The following DISP1 variants were observed in gnomAD, a reference collection of about 807,000 sequenced individuals.
The protein encoded by DISP1 is protein dispatched homolog 1.
Under a neutral mutation model 37.3 loss-of-function variants are expected in DISP1, and 30 were observed. The ratio of observed to expected loss-of-function variants is 0.80; its 90% CI spans 0.60 to 1.09. DISP1 has a LOEUF of 1.09. Among genes scored for constraint, DISP1 ranks in the 50% least tolerant of loss-of-function variants. DISP1 has a pLI of 0.00. For synonymous variants in DISP1, 634 were observed against 690.2 expected (o/e 0.92, Z 1.28); for missense variants, 1,598 against 1,879.5 (o/e 0.85, Z 2.77).
At chr1:222,937,194 A>G (rs1160095178) in intron 2 of DISP1, among the ~76,000 whole-genome samples, 1 of 149,930 alleles carries the variant, frequency 6.7e-6, no homozygotes, top group South Asian at 2.1e-4. Context: ...GGTTCACGCC[A>G]TTCTCCTGCC....
At position 223,002,519 on chromosome 1, in the gene DISP1, C is replaced by T. The variant is rs750407881; in HGVS notation, c.1122C>T (p.Asp374=). 18 of 1,614,038 alleles carry T rather than the reference C, an allele frequency of 1.1e-5. No individual in the cohort carries two copies. The highest frequency in any genetic ancestry group is 1.0e-4 in the Admixed American group (6 of 59,996). Residue 374 remains aspartate (D), a synonymous_variant, in exon 9 of 9, where the codon GAC becomes GAT. Coordinates refer to ENST00000675850, the MANE Select transcript of DISP1 (RefSeq NM_001377229.1). ...CCTGTCAGAAAATAGTTGAGCGAGACGTTTCTCATACCTTGAAGCTGCTTC... is the reference window on the plus strand; with the variant it reads ...CCTGTCAGAAAATAGTTGAGCGAGATGTTTCTCATACCTTGAAGCTGCTTC... ...RSSCQKIVER[D]VSHTLKLLRT... is the part of the protein sequence containing the mutation.
intron 1 of DISP1, among the ~76,000 whole-genome samples, chr1:222,892,415 A>G (rs1435838287): frequency 1.3e-5 from 2 of 152,218 alleles, no homozygotes; most frequent in African/African-American, 2.4e-5. Context: ...AAGTATGAAT[A>G]AGCTTATTCA....
intron 4 of DISP1, among the ~76,000 whole-genome samples, chr1:222,989,933 G>A (rs182724364): frequency 3.9e-4 from 59 of 152,028 alleles, no homozygotes; most frequent in African/African-American, 1.3e-3. Flanking sequence ...CTCCCAAGTA[G>A]CTAGGACTAC....
chr1:222,878,968 A>G (rs1670124178), intron 1 of DISP1, among the ~76,000 whole-genome samples: 1 of 152,144 alleles, frequency 6.6e-6, no homozygotes, highest in Non-Finnish European at 1.5e-5. Flanking sequence ...TTGGAGGTAT[A>G]AATAAAGGAA....
chr1:222,818,408 C>T (rs1005440973), intron 1 of DISP1, among the ~76,000 whole-genome samples: 1 of 152,146 alleles, frequency 6.6e-6, no homozygotes, highest in South Asian at 2.1e-4. Context: ...AGCCTCCCAC[C>T]TCTTGTGTGA....
In DISP1 at chr1:222,991,999, T is replaced by C. The variant is rs1678729138; in HGVS notation, c.792-14T>C. On this transcript the variant is annotated splice_polypyrimidine_tract_variant and intron_variant, in intron 6 of 8. Transcript: ENST00000675850. ...GAGAACTTTATTGAAGATCAAATTG[T>C]CGTTCCATTTCAGCCATCGGGATGA... is the stretch of plus-strand genomic sequence containing the variant. The C allele has an allele frequency of 1.9e-6, 3 of 1,594,344 alleles. No individual in the cohort carries two copies. The highest frequency in any genetic ancestry group is 2.6e-6 in the Non-Finnish European group (3 of 1,162,256).
chr1:222,997,358 C>T (rs1438104025), intron 8 of DISP1, among the ~76,000 whole-genome samples: 1 of 152,072 alleles, frequency 6.6e-6, no homozygotes, highest in Non-Finnish European at 1.5e-5. Flanking sequence ...AATAGGGTAA[C>T]AAGTTTGTTT....
chr1:222,834,828 T>G (rs1190335065), intron 1 of DISP1, among the ~76,000 whole-genome samples: 1 of 152,188 alleles, frequency 6.6e-6, no homozygotes, highest in South Asian at 2.1e-4. Context: ...CCCAACTTAC[T>G]TGACTCTGTT....
At chr1:222,968,539 A>T (rs560845607) in intron 3 of DISP1, among the ~76,000 whole-genome samples, 1 of 152,228 alleles carries the variant, frequency 6.6e-6, no homozygotes, top group Non-Finnish European at 1.5e-5. Flanking sequence ...TGGAAATTCA[A>T]TCCCATAGCT....
At chr1:222,830,316 CTTCCT>C in intron 1 of DISP1, among the ~76,000 whole-genome samples, 1 of 151,326 alleles carries the variant, frequency 6.6e-6, no homozygotes, top group African/African-American at 2.4e-5. Flanking sequence ...ACTTTTCTCC[CTTCCT>C]TTCCTTCTTT....
At chr1:222,843,984 G>C (rs778087979) in intron 1 of DISP1, among the ~76,000 whole-genome samples, 1 of 152,136 alleles carries the variant, frequency 6.6e-6, no homozygotes, top group African/African-American at 2.4e-5. Context: ...ATGGAATTAC[G>C]ATAGTCCTTA....
At chr1:222,945,897 G>C in intron 3 of DISP1, 1 of 152,184 alleles carries the variant, frequency 6.6e-6, no homozygotes, top group East Asian at 1.9e-4. Flanking sequence ...TTGCTTGGAA[G>C]TAAAGGCAGT....
At position 223,002,605 on chromosome 1, in the gene DISP1, C is replaced by T. The variant is rs760687407; in HGVS notation, c.1208C>T (p.Ala403Val). 1.2e-6 allele frequency: 2 copies of T among 1,614,150 alleles called. No homozygotes were observed. The highest frequency in any genetic ancestry group is 3.3e-5 in the Admixed American group (2 of 60,018). Residue 403 changes from alanine to valine, a missense_variant, in exon 9 of 9, where the codon GCC (alanine) becomes GTC (valine). Coordinates refer to ENST00000675850, the MANE Select transcript of DISP1 (RefSeq NM_001377229.1). ...GGGCCAGACTGCTGGGACATGGCAG[C>T]CAGAAGAAAGGACCAGCTCAAGTGC... ...TLGPDCWDMAARRKDQLKCTN... is the reference protein window; with the variant it reads ...TLGPDCWDMAVRRKDQLKCTN...
rs1283194354 is a variant in DISP1 at position 222,962,685 on chromosome 1, TCTC to T, written c.509+19356_509+19358del. Among the ~76,000 whole-genome samples, 4 of 152,242 alleles carry T rather than the reference TCTC, an allele frequency of 2.6e-5. No homozygotes were observed. The East Asian group carries it at 5.8e-4, about 22-fold the overall frequency. ...ACAAAAACAAGCAATGGGAAAAGGA[TCTC>T]CTATTCAATAAATGGTGCTGAGAAA... On this transcript the variant is annotated intron_variant, in intron 3 of 8. Coordinates refer to ENST00000675850, the MANE Select transcript of DISP1 (RefSeq NM_001377229.1).
chr1:222,871,439 C>G (rs1669566368), intron 1 of DISP1, among the ~76,000 whole-genome samples: 1 of 152,110 alleles, frequency 6.6e-6, no homozygotes, highest in Non-Finnish European at 1.5e-5. Context: ...AATGTTCTTC[C>G]ATTTGTTTGT....
At chr1:222,943,374 C>G (rs774502179) in intron 3 of DISP1, 42 bp downstream of exon 3, 1 of 1,612,224 alleles carries the variant, frequency 6.2e-7, no homozygotes. Flanking sequence ...TCAACTAATG[C>G]CACGTGAACA....
chr1:222,863,950 C>A (rs558758991), intron 1 of DISP1, among the ~76,000 whole-genome samples: 6 of 152,022 alleles, frequency 3.9e-5, no homozygotes, highest in Non-Finnish European at 7.4e-5. Flanking sequence ...TTCTGAGATG[C>A]CCTGTTTCCT....
intron 1 of DISP1, among the ~76,000 whole-genome samples, chr1:222,860,653 G>A (rs1044849974): frequency 6.6e-6 from 1 of 152,018 alleles, no homozygotes; most frequent in Non-Finnish European, 1.5e-5. Flanking sequence ...TTGGGAGGCC[G>A]AGGCAGGCAG....
chr1:222,952,953 G>A (rs538595484), intron 3 of DISP1, among the ~76,000 whole-genome samples: 5 of 152,242 alleles, frequency 3.3e-5, no homozygotes, highest in African/African-American at 7.2e-5. Context: ...TCTAGAGGCC[G>A]CAATTACATT....
Sources: gnomAD v4.1 joint callset for allele counts (sites outside exome capture counted in the v4.1 genomes callset) on GRCh38, gnomAD v4.1.1 for gene constraint, MANE v1.5 for transcripts, NCBI Gene and HGNC (gene_info 2026-07-23, HGNC 2026-07-21) for gene names.